Variants in CLSTN2 observed in about 807,000 individuals in gnomAD.
CLSTN2 encodes the protein calsyntenin 2, also known as calsyntenin-2.
CLSTN2 carries 48 observed loss-of-function variants against 101.2 expected under a neutral mutation model. The ratio of observed to expected loss-of-function variants is 0.47; its 90% CI spans 0.38 to 0.60. The LOEUF is 0.60. CLSTN2 is among the 20% of genes least tolerant of loss of function. CLSTN2 has a pLI of 0.00. For missense variants in CLSTN2, 1,160 were observed against 1,238.2 expected, an observed-to-expected ratio of 0.94 and a Z score of 0.95; for synonymous variants, 481 against 463.6, an observed-to-expected ratio of 1.04 and a Z score of -0.48.
intron 2 of CLSTN2, among the ~76,000 whole-genome samples, chr3:140,204,679 A>G (rs938873861): frequency 2.6e-5 from 4 of 152,012 alleles, no homozygotes; most frequent in Non-Finnish European, 4.4e-5. Flanking sequence ...TGTCACTCCA[A>G]TATGCCCAAA....
rs2008139917 is a variant in CLSTN2, at chr3:140,058,561, A to G, written c.110-117390A>G. Among the ~76,000 whole-genome samples, 3 of 152,156 alleles carry G rather than the reference A, an allele frequency of 2.0e-5. No homozygotes were observed. In the South Asian group the frequency reaches 6.2e-4, roughly 31 times the overall value. On this transcript the variant is annotated intron_variant, in intron 1 of 16. Transcript: ENST00000458420. ...GGTGATATCTTTGGGAAGAGCTCTC[A>G]ATTGTTTGTTTTCCTGGGAAGGAAA... is the stretch of plus-strand genomic sequence containing the variant.
intron 9 of CLSTN2, among the ~76,000 whole-genome samples, chr3:140,539,539 G>A (rs979317471): frequency 3.3e-5 from 5 of 152,108 alleles, no homozygotes; most frequent in African/African-American, 7.2e-5. Flanking sequence ...AAACAGTATC[G>A]TCTCTGAGAT....
intron 1 of CLSTN2, among the ~76,000 whole-genome samples, chr3:139,955,112 C>CTATATA (rs58418059): frequency 0.064 from 4,571 of 71,454 alleles, 433 homozygotes; most frequent in Non-Finnish European, 0.085. Context: ...GGCAATATTG[C>CTATATA]TATATATATA....
At chr3:140,352,021 C>A (rs2087613738) in intron 2 of CLSTN2, among the ~76,000 whole-genome samples, 1 of 152,116 alleles carries the variant, frequency 6.6e-6, no homozygotes, top group Non-Finnish European at 1.5e-5. Context: ...TATACCTTGG[C>A]AAGAAAATGA....
chr3:140,386,580 C>T (rs2088053919), intron 2 of CLSTN2, among the ~76,000 whole-genome samples: 1 of 152,226 alleles, frequency 6.6e-6, no homozygotes, highest in Admixed American at 6.5e-5. Flanking sequence ...CAGCTCTCCC[C>T]TGCCTTCAGG....
At chr3:140,226,017 G>A (rs1027716785) in intron 2 of CLSTN2, among the ~76,000 whole-genome samples, 1 of 152,094 alleles carries the variant, frequency 6.6e-6, no homozygotes, top group Non-Finnish European at 1.5e-5. Context: ...CTTTCCTAGG[G>A]TGTGAAAATG....
chr3:140,503,654 C>G (rs1934626194), intron 8 of CLSTN2, among the ~76,000 whole-genome samples: 1 of 152,168 alleles, frequency 6.6e-6, no homozygotes, highest in African/African-American at 2.4e-5. Context: ...ATTATCCTGA[C>G]AACACAATAG....
chr3:140,091,085 GC>G (rs2008773269), intron 1 of CLSTN2, among the ~76,000 whole-genome samples: 1 of 152,102 alleles, frequency 6.6e-6, no homozygotes, highest in Non-Finnish European at 1.5e-5. Context: ...GCTTTCTAGA[GC>G]CAGTCACCAT....
chr3:140,568,632 C>T lies in CLSTN2; in HGVS notation c.*2379C>T, dbSNP rs1985401507. On this transcript the variant is annotated 3_prime_UTR_variant, in exon 17 of 17. Coordinates refer to ENST00000458420, the MANE Select transcript of CLSTN2 (RefSeq NM_022131.3). ...CAAAATTGTGGCAGCAAAAAGAACACTTCATATGCTTAAAACCCATTCTTT... is the reference window on the plus strand; with the variant it reads ...CAAAATTGTGGCAGCAAAAAGAACATTTCATATGCTTAAAACCCATTCTTT... 1 of 152,192 alleles carries T rather than the reference C, an allele frequency of 6.6e-6. No individual in the cohort carries two copies. The allele number at this position is 152,192 out of a possible 1,614,324, so 9.4% of individuals were successfully genotyped here. A position where few individuals can be genotyped will look rare whatever the true frequency, so the allele number is the denominator to read the frequency against.
chr3:139,945,822 T>G (rs1488437698), intron 1 of CLSTN2, among the ~76,000 whole-genome samples: 1 of 152,210 alleles, frequency 6.6e-6, no homozygotes, highest in Non-Finnish European at 1.5e-5. Context: ...ATATATAAAA[T>G]GCTGAATTCT....
chr3:140,481,232 G>A (rs1576591501), intron 8 of CLSTN2, among the ~76,000 whole-genome samples: 2 of 152,220 alleles, frequency 1.3e-5, no homozygotes, highest in African/African-American at 4.8e-5. Flanking sequence ...GTTTTTGTCA[G>A]GTTTGTCAAA....
intron 2 of CLSTN2, among the ~76,000 whole-genome samples, chr3:140,329,503 G>A (rs1324092347): frequency 2.6e-5 from 4 of 152,076 alleles, no homozygotes. Flanking sequence ...TCTGCTTCCT[G>A]TGCTGTGTAC....
chr3:140,229,846 G>A (rs191069925), intron 2 of CLSTN2, among the ~76,000 whole-genome samples: 1 of 152,180 alleles, frequency 6.6e-6, no homozygotes, highest in Admixed American at 6.5e-5. Context: ...GTTCCTTCCT[G>A]CCCTAAGGAG....
chr3:140,548,787 T>C (rs1273924968), intron 10 of CLSTN2, among the ~76,000 whole-genome samples: 1 of 152,122 alleles, frequency 6.6e-6, no homozygotes, highest in East Asian at 1.9e-4. Context: ...TTTAGGTGTT[T>C]ACGTTTTTTT....
At chr3:140,198,715 G>GT (rs2010680705) in intron 2 of CLSTN2, among the ~76,000 whole-genome samples, 2 of 152,170 alleles carry the variant, frequency 1.3e-5, no homozygotes, top group Admixed American at 6.5e-5. Flanking sequence ...AACAGGTGAC[G>GT]TTTAGGCCAT....
chr3:140,465,860 C>T (rs1203826248), intron 7 of CLSTN2, among the ~76,000 whole-genome samples: 1 of 152,138 alleles, frequency 6.6e-6, no homozygotes, highest in Non-Finnish European at 1.5e-5. Context: ...ACACGCGCCT[C>T]CTGGTAGATG....
At chr3:140,341,323 C>T (rs16850177) in intron 2 of CLSTN2, among the ~76,000 whole-genome samples, 9,512 of 152,230 alleles carry the variant, frequency 0.062, 408 homozygotes, top group East Asian at 0.18. Context: ...GTCTCAGCTG[C>T]GAATTTGGCC....
At chr3:140,530,018 A>T (rs1458869535) in intron 8 of CLSTN2, among the ~76,000 whole-genome samples, 1 of 152,230 alleles carries the variant, frequency 6.6e-6, no homozygotes, top group African/African-American at 2.4e-5. Flanking sequence ...AAACATTGAT[A>T]ATATGTATCA....
intron 1 of CLSTN2, among the ~76,000 whole-genome samples, chr3:140,124,650 T>C (rs2009400607): frequency 6.6e-6 from 1 of 151,972 alleles, no homozygotes; most frequent in South Asian, 2.1e-4. Context: ...GGAGGAGATA[T>C]GGGGGCAGCC....
Sources: gnomAD v4.1 joint callset for allele counts (sites outside exome capture counted in the v4.1 genomes callset) on GRCh38, gnomAD v4.1.1 for gene constraint, MANE v1.5 for transcripts, NCBI Gene and HGNC (gene_info 2026-07-23, HGNC 2026-07-21) for gene names.